The following MEIS1 variants were observed in gnomAD, a reference collection of about 807,000 sequenced individuals.
MEIS1 encodes the protein homeobox protein Meis1.
MEIS1 carries 5 observed loss-of-function variants against 50.8 expected under a neutral mutation model. The observed-to-expected ratio is 0.10, with a 90% CI of 0.05 to 0.21. The LOEUF is 0.21. Ranked by LOEUF, MEIS1 falls within the 10% of genes least tolerant of loss-of-function variation. MEIS1 has a pLI of 1.00. For synonymous variants in MEIS1, 176 were observed against 179.3 expected, an observed-to-expected ratio of 0.98 and a Z score of 0.15; for missense variants, 318 against 517.3, an observed-to-expected ratio of 0.61 and a Z score of 3.74.
At chr2:66,460,378 G>GA (rs952840027) in intron 6 of MEIS1, among the ~76,000 whole-genome samples, 17 of 152,154 alleles carry the variant, frequency 1.1e-4, no homozygotes, top group Admixed American at 9.2e-4. Flanking sequence ...CATGGAATCA[G>GA]AAAAAACCCC....
At position 66,448,038 on chromosome 2, in the gene MEIS1, C is replaced by G. The variant is rs984817379; in HGVS notation, c.630+4990C>G. On this transcript the variant is annotated intron_variant, in intron 6 of 12. Coordinates refer to ENST00000272369, the MANE Select transcript of MEIS1 (RefSeq NM_002398.3). ...CAGAATGACTCCATTGCTCACCATT[C>G]TGAAATATATAGAGTAGTTGTTTTA... Among the ~76,000 whole-genome samples, 3 of 152,098 alleles carry G rather than the reference C, an allele frequency of 2.0e-5. No homozygotes were observed. The East Asian group carries it at 5.8e-4, about 29-fold the overall frequency.
intron 5 of MEIS1, 128 bp from the exon 6 acceptor site, chr2:66,442,774 G>A: frequency 2.4e-6 from 2 of 839,508 alleles, no homozygotes; most frequent in Admixed American, 3.0e-5. Context: ...GGGGTCTCTG[G>A]AGGACAATTG....
chr2:66,527,944 G>A lies in MEIS1; in HGVS notation c.888+15650G>A, dbSNP rs141888326. Among the ~76,000 whole-genome samples the A allele has an allele frequency of 4.9e-3, 748 of 152,148 alleles. 2 individuals carry two copies. Among genetic ancestry groups the A allele is most frequent in the African/African-American group, 0.017 (697 of 41,494 alleles). ...TATGTACAAGGAACCATATACATCC[G>A]GAACGTTCTATGATGTTTGAAAAGG... On this transcript the variant is annotated intron_variant, in intron 8 of 12. Transcript: ENST00000272369.
At chr2:66,440,068 A>AACACACTCACAC in intron 3 of MEIS1, 84 bp downstream of exon 3, 1 of 777,642 alleles carries the variant, frequency 1.3e-6, no homozygotes, top group Non-Finnish European at 2.0e-6. Context: ...CGCGCGCGCG[A>AACACACTCACAC]ACACACACAC....
intron 8 of MEIS1, among the ~76,000 whole-genome samples, chr2:66,541,692 G>A (rs973080297): frequency 1.4e-4 from 22 of 152,282 alleles, no homozygotes; most frequent in Non-Finnish European, 2.8e-4. Flanking sequence ...TTAAGAAAGC[G>A]GATGGAAATC....
At chr2:66,553,299 A>T (rs1412474652) in intron 9 of MEIS1, among the ~76,000 whole-genome samples, 1 of 152,234 alleles carries the variant, frequency 6.6e-6, no homozygotes, top group Non-Finnish European at 1.5e-5. Context: ...TATTAAAAAG[A>T]AAAAGGAGAA....
chr2:66,542,846 T>C (rs148950624), intron 8 of MEIS1, among the ~76,000 whole-genome samples: 6 of 152,284 alleles, frequency 3.9e-5, no homozygotes, highest in African/African-American at 1.4e-4. Context: ...GCATCCACAT[T>C]TGTAGCCAAG....
chr2:66,556,317 C>G (rs1226873438), intron 9 of MEIS1, among the ~76,000 whole-genome samples: 3 of 152,292 alleles, frequency 2.0e-5, no homozygotes, highest in East Asian at 3.9e-4. Context: ...ACCCTCTTAA[C>G]TAACCAGTGC....
At chr2:66,442,824 G>T (rs1329369573) in intron 5 of MEIS1, 78 bp from the exon 6 acceptor site, 17 of 1,361,304 alleles carry the variant, frequency 1.2e-5, no homozygotes, top group South Asian at 9.6e-5. Context: ...ATCTCACAAG[G>T]GGGGTGGATT....
chr2:66,472,278 T>G (rs938933243), intron 7 of MEIS1, among the ~76,000 whole-genome samples: 4 of 152,128 alleles, frequency 2.6e-5, no homozygotes, highest in Non-Finnish European at 4.4e-5. Flanking sequence ...AGTGAGGAAG[T>G]TAATTTTAGG....
At chr2:66,446,235 G>A (rs1672141879) in intron 6 of MEIS1, among the ~76,000 whole-genome samples, 1 of 152,186 alleles carries the variant, frequency 6.6e-6, no homozygotes, top group African/African-American at 2.4e-5. Flanking sequence ...GGGTGGATTA[G>A]GGGGCGCCAA....
chr2:66,454,979 C>T lies in MEIS1; in HGVS notation c.631-9130C>T, dbSNP rs7586522. On this transcript the variant is annotated intron_variant, in intron 6 of 12. Transcript: ENST00000272369. ...GGGTTTTTTTCAGCCAAACATTTAA[C>T]TCTATGAACTACAATTTATAGGTAT... Among the ~76,000 whole-genome samples the T allele has an allele frequency of 5.0e-3, 762 of 152,140 alleles. 7 individuals are homozygous for T. Among genetic ancestry groups the T allele is most frequent in the African/African-American group, 0.018 (732 of 41,504 alleles).
intron 7 of MEIS1, among the ~76,000 whole-genome samples, chr2:66,488,527 A>G (rs1673195535): frequency 6.6e-6 from 1 of 152,058 alleles, no homozygotes; most frequent in Non-Finnish European, 1.5e-5. Flanking sequence ...AAATACAAAA[A>G]ATTAGCCGGG....
At chr2:66,462,620 C>G (rs923464579) in intron 6 of MEIS1, among the ~76,000 whole-genome samples, 1 of 152,272 alleles carries the variant, frequency 6.6e-6, no homozygotes, top group Admixed American at 6.5e-5. Context: ...TGCAGTTGTA[C>G]AAACTGAAAA....
chr2:66,514,392 AT>A (rs746620455), intron 8 of MEIS1, among the ~76,000 whole-genome samples: 15 of 152,202 alleles, frequency 9.9e-5, no homozygotes, highest in Non-Finnish European at 1.9e-4. Context: ...ATGATTTTAC[AT>A]GCATTGCATT....
At chr2:66,489,153 G>A (rs533194829) in intron 7 of MEIS1, among the ~76,000 whole-genome samples, 5 of 152,234 alleles carry the variant, frequency 3.3e-5, no homozygotes, top group Admixed American at 1.3e-4. Context: ...CTTTCCATTG[G>A]CAGATCACCT....
chr2:66,550,098 T>A (rs1674883698), intron 9 of MEIS1, among the ~76,000 whole-genome samples: 1 of 152,214 alleles, frequency 6.6e-6, no homozygotes, highest in East Asian at 1.9e-4. Context: ...AATTTTAAAG[T>A]ATATGCAGAC....
intron 7 of MEIS1, 34 bp from the exon 8 acceptor site, chr2:66,512,115 G>C: frequency 3.3e-6 from 5 of 1,527,682 alleles, no homozygotes; most frequent in Non-Finnish European, 4.4e-6. Flanking sequence ...TGTCAAGGTA[G>C]CATCAGTCAA....
At chr2:66,489,510 A>G (rs982051480) in intron 7 of MEIS1, among the ~76,000 whole-genome samples, 1 of 152,234 alleles carries the variant, frequency 6.6e-6, no homozygotes, top group African/African-American at 2.4e-5. Flanking sequence ...TTGTTAATAT[A>G]AAACTTCAAT....
Sources: gnomAD v4.1 joint callset for allele counts (sites outside exome capture counted in the v4.1 genomes callset) on GRCh38, gnomAD v4.1.1 for gene constraint, MANE v1.5 for transcripts, NCBI Gene and HGNC (gene_info 2026-07-23, HGNC 2026-07-21) for gene names.